TFB1M: variants seen among roughly 807,000 people sequenced by gnomAD.
The protein encoded by TFB1M is transcription factor B1, mitochondrial, also known as dimethyladenosine transferase 1, mitochondrial.
TFB1M carries 27 observed loss-of-function variants against 31.1 expected under a neutral mutation model. That is an observed-to-expected ratio of 0.87 (90% confidence interval 0.64 to 1.20). The LOEUF (loss-of-function observed/expected upper bound fraction) is 1.20, where lower values mean the gene tolerates loss of function less well. TFB1M is among the 50% of genes most tolerant of loss of function. TFB1M has a pLI of 0.00. For synonymous variants in TFB1M, 166 were observed against 151.8 expected, an observed-to-expected ratio of 1.09 and a Z score of -0.69; for missense variants, 394 against 418.7, an observed-to-expected ratio of 0.94 and a Z score of 0.51.
chr6:155,282,168 A>C (rs1467456079), intron 5 of TFB1M, among the ~76,000 whole-genome samples: 1 of 152,254 alleles, frequency 6.6e-6, no homozygotes. Flanking sequence ...ACTAAAGTAG[A>C]CCAATTAATT....
chr6:155,252,151 G>A, downstream of TFB1M: 1 of 629,078 alleles, frequency 1.6e-6, no homozygotes. Flanking sequence ...CATACTGAGA[G>A]CGTTTCTGAG....
chr6:155,307,852 T>C (rs769749763), intron 2 of TFB1M, among the ~76,000 whole-genome samples: 27 of 151,964 alleles, frequency 1.8e-4, no homozygotes, highest in Non-Finnish European at 3.4e-4. Flanking sequence ...AGAATTTGTG[T>C]TGGGCCGCAG....
At chr6:155,305,815 A>T (rs1777740480) in intron 2 of TFB1M, among the ~76,000 whole-genome samples, 1 of 138,750 alleles carries the variant, frequency 7.2e-6, no homozygotes, top group South Asian at 2.1e-4. Flanking sequence ...TTTGGCAAAT[A>T]TTTTAAAAAT....
chr6:155,295,142 G>C (rs190872844), intron 4 of TFB1M, among the ~76,000 whole-genome samples: 1,531 of 152,266 alleles, frequency 0.01, 28 homozygotes, highest in African/African-American at 0.035. Context: ...TGAGGCGGGT[G>C]GATCACGAGG....
intron 2 of TFB1M, among the ~76,000 whole-genome samples, chr6:155,306,782 T>C (rs1777784355): frequency 6.6e-6 from 1 of 152,148 alleles, no homozygotes; most frequent in Non-Finnish European, 1.5e-5. Flanking sequence ...GATGAGTGTT[T>C]ATTTTCTTGA....
chr6:155,295,353 G>T (rs1777119923), intron 4 of TFB1M, among the ~76,000 whole-genome samples: 1 of 150,794 alleles, frequency 6.6e-6, no homozygotes, highest in South Asian at 2.1e-4. Flanking sequence ...GTGACAGAGT[G>T]AGACTCTGTC....
intron 3 of TFB1M, among the ~76,000 whole-genome samples, chr6:155,297,673 G>C (rs1777238441): frequency 1.3e-5 from 2 of 152,176 alleles, no homozygotes; most frequent in Admixed American, 1.3e-4. Context: ...AAAACAGGAG[G>C]GGCTGGTATC....
chr6:155,256,313 G>C lies in TFB1M; in HGVS notation c.*1523C>G. ...ACAACTGTAAACCTAAGTCAAAAAT[G>C]TCCATGTTTTCAGTAGCTACATTTT... On this transcript the variant is annotated 3_prime_UTR_variant, in exon 7 of 7. Coordinates refer to ENST00000367166, the MANE Select transcript of TFB1M (RefSeq NM_016020.4). The C allele has an allele frequency of 3.2e-6, 3 of 941,866 alleles. No individual in the cohort carries two copies. Among genetic ancestry groups the C allele is most frequent in the Non-Finnish European group, 3.1e-6 (2 of 641,204 alleles). 58.3% of individuals were successfully genotyped at this position (941,866 alleles called of 1,614,324 possible). A position where few individuals can be genotyped will look rare whatever the true frequency, so the allele number is the denominator to read the frequency against.
intron 4 of TFB1M, among the ~76,000 whole-genome samples, chr6:155,288,482 G>T (rs1776765772): frequency 6.6e-6 from 1 of 152,126 alleles, no homozygotes; most frequent in South Asian, 2.1e-4. Context: ...AGTAAAAAAG[G>T]AGCTTAATCT....
At chr6:155,309,437 C>T (rs926638627) in intron 2 of TFB1M, among the ~76,000 whole-genome samples, 2 of 152,082 alleles carry the variant, frequency 1.3e-5, no homozygotes, top group South Asian at 2.1e-4. Flanking sequence ...GATGATAAAT[C>T]GAATGAGATA....
rs1487367508 is a variant in TFB1M, at chr6:155,256,538, G to A, written c.*1298C>T. 4 of 1,614,094 alleles carry A rather than the reference G, an allele frequency of 2.5e-6. No homozygotes were observed. Among genetic ancestry groups the A allele is most frequent in the Non-Finnish European group, 3.4e-6 (4 of 1,180,060 alleles). On this transcript the variant is annotated 3_prime_UTR_variant, in exon 7 of 7. Transcript: ENST00000367166. Reference sequence around the variant, plus strand: ...AATTCCTCCAGCAACGAGTGGACCGGTGAGACTGGCAAGGGAACCTTGCTG... The same window carrying A: ...AATTCCTCCAGCAACGAGTGGACCGATGAGACTGGCAAGGGAACCTTGCTG...
chr6:155,231,736 G>C, the TFB1M span, among the ~76,000 whole-genome samples: 6 of 152,228 alleles, frequency 3.9e-5, no homozygotes, highest in African/African-American at 1.4e-4. Context: ...GGAGCCCCTT[G>C]TTCCCACTGT....
chr6:155,284,815 A>C (rs896938683), intron 5 of TFB1M, among the ~76,000 whole-genome samples: 7 of 152,204 alleles, frequency 4.6e-5, no homozygotes, highest in African/African-American at 7.2e-5. Flanking sequence ...AGAAAACACA[A>C]AAGTATTTTA....
chr6:155,273,567 G>A (rs1238605687), intron 5 of TFB1M, among the ~76,000 whole-genome samples: 1 of 152,128 alleles, frequency 6.6e-6, no homozygotes, highest in African/African-American at 2.4e-5. Flanking sequence ...TTTCCTTGGT[G>A]GGGAGGGGAG....
At chr6:155,294,459 ACTC>A (rs1318086395) in intron 4 of TFB1M, among the ~76,000 whole-genome samples, 2 of 152,150 alleles carry the variant, frequency 1.3e-5, no homozygotes, top group African/African-American at 4.8e-5. Flanking sequence ...GTATGTGAGA[ACTC>A]CTCCAGATCA....
the TFB1M span, chr6:155,250,910 T>A: frequency 6.2e-7 from 1 of 1,614,004 alleles, no homozygotes; most frequent in Non-Finnish European, 8.5e-7. Flanking sequence ...TTTTACAATC[T>A]AGGTAACAGA....
chr6:155,252,085 A>G, downstream of TFB1M: 1 of 1,137,126 alleles, frequency 8.8e-7, no homozygotes, highest in South Asian at 1.4e-5. Flanking sequence ...AAGCCCACTG[A>G]GCACCAAGGC....
the TFB1M span, among the ~76,000 whole-genome samples, chr6:155,248,853 A>T: frequency 6.6e-6 from 1 of 152,240 alleles, no homozygotes; most frequent in Non-Finnish European, 1.5e-5. Flanking sequence ...ACCATAGGTG[A>T]TAAAATTTAT....
downstream of TFB1M, chr6:155,252,986 G>C: frequency 6.2e-7 from 1 of 1,614,088 alleles, no homozygotes; most frequent in Non-Finnish European, 8.5e-7. Flanking sequence ...CTACTGACTT[G>C]GACCCATTTA....
Sources: allele counts gnomAD v4.1 joint callset (sites outside exome capture counted in the v4.1 genomes callset), GRCh38; gene constraint gnomAD v4.1.1; transcripts MANE v1.5; gene names NCBI Gene and HGNC (gene_info 2026-07-23, HGNC 2026-07-21).